The following RCOR1 variants were observed in gnomAD, a reference collection of about 807,000 sequenced individuals.
RCOR1 encodes the protein REST corepressor.
A neutral mutation model predicts 64.0 loss-of-function variants in RCOR1; 12 were observed. The ratio of observed to expected loss-of-function variants is 0.19; its 90% CI spans 0.12 to 0.30. The LOEUF (loss-of-function observed/expected upper bound fraction) is 0.30, where lower values mean the gene tolerates loss of function less well. RCOR1 is among the 10% of genes least tolerant of loss of function. The pLI, the probability that RCOR1 is intolerant of heterozygous loss-of-function variation, is 1.00. For missense variants in RCOR1, 502 were observed against 621.2 expected, an observed-to-expected ratio of 0.81 and a Z score of 2.04; for synonymous variants, 279 against 227.2, an observed-to-expected ratio of 1.23 and a Z score of -2.05.
intron 2 of RCOR1, among the ~76,000 whole-genome samples, chr14:102,637,543 TG>T (rs1363744183): frequency 6.6e-6 from 1 of 152,144 alleles, no homozygotes; most frequent in Non-Finnish European, 1.5e-5. Context: ...CTTGGCCTCC[TG>T]GGCTTAGGTG....
At chr14:102,677,234 C>T (rs1330551540) in intron 2 of RCOR1, among the ~76,000 whole-genome samples, 9 of 129,676 alleles carry the variant, frequency 6.9e-5, no homozygotes, top group Admixed American at 2.2e-4. Flanking sequence ...CCCTCCCGGA[C>T]GGGGTGGCTG....
At chr14:102,655,137 AGCT>A in intron 2 of RCOR1, 9 of 190,146 alleles carry the variant, frequency 4.7e-5, no homozygotes, top group Non-Finnish European at 6.3e-5. Context: ...TTTTTTTTTA[AGCT>A]AAATTTTGTT....
chr14:102,637,138 T>TA (rs1026778437), intron 2 of RCOR1, among the ~76,000 whole-genome samples: 14 of 151,036 alleles, frequency 9.3e-5, no homozygotes, highest in African/African-American at 2.7e-4. Flanking sequence ...TTTATTTTTT[T>TA]TTTTTTGAGA....
At chr14:102,637,343 T>C (rs1189382205) in intron 2 of RCOR1, among the ~76,000 whole-genome samples, 1 of 151,984 alleles carries the variant, frequency 6.6e-6, no homozygotes, top group African/African-American at 2.4e-5. Flanking sequence ...GTGAGGCTGG[T>C]CTCGAACCTC....
At chr14:102,668,557 C>G in intron 2 of RCOR1, among the ~76,000 whole-genome samples, 1 of 152,124 alleles carries the variant, frequency 6.6e-6, no homozygotes. Context: ...TGCTGAAGCC[C>G]TTTCTGTCTG....
intron 11 of RCOR1, among the ~76,000 whole-genome samples, chr14:102,726,077 C>T (rs564373338): frequency 6.6e-6 from 1 of 152,002 alleles, no homozygotes; most frequent in African/African-American, 2.4e-5. Flanking sequence ...ACATGTAATC[C>T]CAGCACTTTG....
chr14:102,717,371 T>G (rs1896087163), intron 8 of RCOR1, among the ~76,000 whole-genome samples: 2 of 152,250 alleles, frequency 1.3e-5, no homozygotes, highest in Admixed American at 1.3e-4. Context: ...GCTGTCTTTC[T>G]TGTGGTTTAG....
At chr14:102,720,865 A>G (rs1896156885) in intron 8 of RCOR1, 142 bp from the exon 9 acceptor site, 2 of 556,782 alleles carry the variant, frequency 3.6e-6, no homozygotes, top group African/African-American at 1.9e-5. Flanking sequence ...AAAGGATACC[A>G]TAGGGATCTC....
chr14:102,648,658 A>G (rs537688297), intron 2 of RCOR1, among the ~76,000 whole-genome samples: 8 of 152,344 alleles, frequency 5.3e-5, no homozygotes, highest in Admixed American at 3.9e-4. Flanking sequence ...ACACATATAT[A>G]TAACCATGAA....
chr14:102,710,244 T>C (rs1895931695), intron 6 of RCOR1, among the ~76,000 whole-genome samples: 1 of 152,234 alleles, frequency 6.6e-6, no homozygotes, highest in Non-Finnish European at 1.5e-5. Context: ...TGGGGCAGGC[T>C]ACTTGACTTC....
At position 102,726,511 on chromosome 14, in the gene RCOR1, C is replaced by T. The variant is rs1322206868; in HGVS notation, c.*5C>T. 1 of 1,602,604 alleles carries T rather than the reference C, an allele frequency of 6.2e-7. No individual in the cohort carries two copies. The highest frequency in any genetic ancestry group is 2.2e-5 in the East Asian group (1 of 44,642). On this transcript the variant is annotated 3_prime_UTR_variant, in exon 12 of 12. Transcript: ENST00000262241. ...AGATATGCATCTGCCTCCTGAGAAA[C>T]TGGTGGCTTTGAACACTTGGTGTGG... is the stretch of plus-strand genomic sequence containing the variant.
Position 102,659,048 on chromosome 14 carries a change from G to A in RCOR1, c.362-22847G>A, listed in dbSNP as rs1894780084. On this transcript the variant is annotated intron_variant, in intron 2 of 11. Coordinates refer to ENST00000262241, the MANE Select transcript of RCOR1 (RefSeq NM_015156.4). ...TTTAAGCTCCATCTCCTAGAGGGGA[G>A]TGGGGAATATTTACATAAATTATTT... 7 of 832,054 alleles carry A rather than the reference G, an allele frequency of 8.4e-6. No individual in the cohort carries two copies. In the South Asian group the frequency reaches 2.8e-4, roughly 33 times the overall value. The allele number at this position is 832,054 out of a possible 1,614,324, so 51.5% of individuals were successfully genotyped here. A position where few individuals can be genotyped will look rare whatever the true frequency, so the allele number is the denominator to read the frequency against.
At chr14:102,683,785 C>T (rs1821747425) in intron 3 of RCOR1, among the ~76,000 whole-genome samples, 2 of 152,252 alleles carry the variant, frequency 1.3e-5, no homozygotes, top group Non-Finnish European at 2.9e-5. Context: ...CCGGGTCCCT[C>T]TTGCCACCAG....
At position 102,593,319 on chromosome 14, in the gene RCOR1, G is replaced by T; in HGVS notation, c.355G>T (p.Asp119Tyr). 1 of 1,545,418 alleles carries T rather than the reference G, an allele frequency of 6.5e-7. No individual in the cohort carries two copies. Among genetic ancestry groups the T allele is most frequent in the East Asian group, 2.6e-5 (1 of 37,980 alleles). The change falls in exon 2 of 12, where the codon GAC (aspartate) becomes TAC (tyrosine). Residue 119 changes from aspartate (D) to tyrosine (Y), a missense_variant. Asp to Tyr is a radical substitution (Grantham distance 160). Transcript: ENST00000262241. ...GTACCAGGCGGTGGTGCCCGACTTCGACCCCGGTGAGTAGCGGCCCCGGCC... is the reference window on the plus strand; with the variant it reads ...GTACCAGGCGGTGGTGCCCGACTTCTACCCCGGTGAGTAGCGGCCCCGGCC... ...PQYQAVVPDF[D>Y]PAKLARRSQE...
chr14:102,632,496 C>A (rs943853009), intron 2 of RCOR1, among the ~76,000 whole-genome samples: 3 of 151,846 alleles, frequency 2.0e-5, no homozygotes, highest in Non-Finnish European at 4.4e-5. Flanking sequence ...CGAGCCACCG[C>A]GCCCGGCCAG....
intron 2 of RCOR1, among the ~76,000 whole-genome samples, chr14:102,678,029 T>G: frequency 1.4e-5 from 2 of 145,794 alleles, no homozygotes. Context: ...CAAAACCCCG[T>G]CTCCACCAAA....
intron 2 of RCOR1, among the ~76,000 whole-genome samples, chr14:102,675,377 T>G (rs543032603): frequency 6.6e-6 from 1 of 152,262 alleles, no homozygotes; most frequent in East Asian, 1.9e-4. Context: ...AAGATTAATT[T>G]ATAAGTTAGA....
rs571981004 is a variant in RCOR1 at position 102,706,244 on chromosome 14, CT to C, written c.499-1104del. Among the ~76,000 whole-genome samples, 640 of 149,570 alleles carry C rather than the reference CT, an allele frequency of 4.3e-3. 6 individuals carry two copies. The highest frequency in any genetic ancestry group is 0.015 in the African/African-American group (602 of 40,800). On this transcript the variant is annotated intron_variant, in intron 4 of 11. Transcript: ENST00000262241. ...AGAAGTCCCTCCTTATCAGTGATTA[CT>C]TTAAATATAAATGGGTTAAACTTTC... is the stretch of plus-strand genomic sequence containing the variant.
At position 102,599,813 on chromosome 14, in the gene RCOR1, T is replaced by G. The variant is rs56017635; in HGVS notation, c.361+6488T>G. On this transcript the variant is annotated intron_variant, in intron 2 of 11. Transcript: ENST00000262241. Reference sequence around the variant, plus strand: ...TTGTGGTTTTGTTTTGTTTTGTTTTTTTTTTTTGAAACAAGGTCTTGCTCT... The same window carrying G: ...TTGTGGTTTTGTTTTGTTTTGTTTTGTTTTTTTGAAACAAGGTCTTGCTCT... 5.4e-3 allele frequency among the ~76,000 whole-genome samples: 824 copies of G among 151,810 alleles called. 8 individuals are homozygous for G. The highest frequency in any genetic ancestry group is 0.017 in the African/African-American group (718 of 41,480).
Sources: allele counts gnomAD v4.1 joint callset (sites outside exome capture counted in the v4.1 genomes callset), GRCh38; gene constraint gnomAD v4.1.1; transcripts MANE v1.5; gene names NCBI Gene and HGNC (gene_info 2026-07-23, HGNC 2026-07-21).